The following CPT1A variants were observed in gnomAD, a reference collection of about 807,000 sequenced individuals.
CPT1A encodes carnitine O-palmitoyltransferase 1, liver isoform.
Under a neutral mutation model 100.8 loss-of-function variants are expected in CPT1A, and 64 were observed. The observed-to-expected ratio is 0.63, with a 90% CI of 0.52 to 0.78. The LOEUF is 0.78. CPT1A is among the 30% of genes least tolerant of loss of function. The pLI is 0.00. For synonymous variants in CPT1A, 363 were observed against 396.0 expected, an observed-to-expected ratio of 0.92 and a Z score of 0.99; for missense variants, 802 against 1,034.1, an observed-to-expected ratio of 0.78 and a Z score of 3.08.
At chr11:68,819,842 C>T (rs1327861498) in intron 1 of CPT1A, among the ~76,000 whole-genome samples, 1 of 152,214 alleles carries the variant, frequency 6.6e-6, no homozygotes, top group Non-Finnish European at 1.5e-5. Flanking sequence ...TAGCCTCTCC[C>T]TCTTTGAGCC....
rs1358174002 is a variant in CPT1A at position 68,815,443 on chromosome 11, T to C, written c.32A>G (p.Gln11Arg). ...AATCCCGTCCGGAGTGACCGTGAAC[T>C]GAAAGGCCACAGCTTGGTGAGCTTC... MAEAHQAVAF[Q>R]FTVTPDGIDL... The change falls in exon 2 of 19, where the codon CAG becomes CGG. Residue 11 changes from glutamine (Q) to arginine (R), a missense_variant. This residue lies in a region of CPT1A where 11 missense variants were observed against 31.4 expected (regional missense o/e 0.35). Coordinates refer to ENST00000265641, the MANE Select transcript of CPT1A (RefSeq NM_001876.4). The C allele has an allele frequency of 6.2e-7, 1 of 1,614,010 alleles. No individual in the cohort carries two copies. The highest frequency in any genetic ancestry group is 8.5e-7 in the Non-Finnish European group (1 of 1,180,024).
At chr11:68,769,966 T>C (rs921672701) in intron 14 of CPT1A, among the ~76,000 whole-genome samples, 3 of 152,012 alleles carry the variant, frequency 2.0e-5, no homozygotes, top group African/African-American at 7.2e-5. Context: ...GGAGAATCAC[T>C]TGAACCTGGG....
At chr11:68,786,601 G>A (rs980036898) in intron 9 of CPT1A, among the ~76,000 whole-genome samples, 1 of 152,178 alleles carries the variant, frequency 6.6e-6, no homozygotes, top group African/African-American at 2.4e-5. Flanking sequence ...CGCGATCTCG[G>A]CTCACTGCAA....
At chr11:68,795,908 C>CA (rs976618899) in intron 7 of CPT1A, among the ~76,000 whole-genome samples, 126 of 104,916 alleles carry the variant, frequency 1.2e-3, no homozygotes, top group East Asian at 1.8e-3. Context: ...GACTCTATCT[C>CA]AAAAAAAAAA....
chr11:68,790,590 C>CTTGAAA (rs2153999239), intron 9 of CPT1A, among the ~76,000 whole-genome samples: 1 of 152,268 alleles, frequency 6.6e-6, no homozygotes, highest in South Asian at 2.1e-4. Context: ...AGGCCTCCCC[C>CTTGAAA]AGAGCCTTTG....
At chr11:68,817,485 C>T (rs534172109) in intron 1 of CPT1A, among the ~76,000 whole-genome samples, 4 of 152,248 alleles carry the variant, frequency 2.6e-5, no homozygotes, top group South Asian at 2.1e-4. Context: ...CAGCTTAGAC[C>T]GGGCTAACAA....
rs562395338 is a variant in CPT1A, at chr11:68,820,626, G to A, written c.-13-5139C>T. On this transcript the variant is annotated intron_variant, in intron 1 of 18. Coordinates refer to ENST00000265641, the MANE Select transcript of CPT1A (RefSeq NM_001876.4). Reference sequence around the variant, plus strand: ...TGAACTGGGAGGCAGAGGTTTCAGTGAGCTGAGATTGCACCACTGCACTTC... The same window carrying A: ...TGAACTGGGAGGCAGAGGTTTCAGTAAGCTGAGATTGCACCACTGCACTTC... Among the ~76,000 whole-genome samples, 5 of 152,204 alleles carry A rather than the reference G, an allele frequency of 3.3e-5. No homozygotes were observed. In the East Asian group the frequency reaches 9.7e-4, roughly 30 times the overall value.
chr11:68,773,594 C>A, intron 13 of CPT1A, 165 bp from the exon 14 acceptor site: 2 of 1,271,938 alleles, frequency 1.6e-6, no homozygotes, highest in African/African-American at 1.5e-5. Flanking sequence ...AGGGGCATGG[C>A]TCCCTGACCC....
intron 14 of CPT1A, among the ~76,000 whole-genome samples, chr11:68,768,467 G>C (rs532455478): frequency 6.6e-6 from 1 of 151,912 alleles, no homozygotes; most frequent in African/African-American, 2.4e-5. Flanking sequence ...GTGCAGTGGC[G>C]TGGTCTTGGC....
chr11:68,822,121 C>T (rs906059692), intron 1 of CPT1A, among the ~76,000 whole-genome samples: 2 of 151,986 alleles, frequency 1.3e-5, no homozygotes, highest in Admixed American at 6.6e-5. Flanking sequence ...CTCACACCTG[C>T]AATCCCAGCA....
chr11:68,811,858 G>T (rs1444881483), intron 3 of CPT1A, among the ~76,000 whole-genome samples: 1 of 151,978 alleles, frequency 6.6e-6, no homozygotes, highest in East Asian at 1.9e-4. Context: ...ATGAACATGT[G>T]CTGAATGTTA....
chr11:68,786,594 G>A (rs1009744405), intron 9 of CPT1A, among the ~76,000 whole-genome samples: 2 of 152,138 alleles, frequency 1.3e-5, no homozygotes, highest in African/African-American at 2.4e-5. Flanking sequence ...GCAGTGGCGC[G>A]ATCTCGGCTC....
At chr11:68,787,548 T>A (rs965956036) in intron 9 of CPT1A, among the ~76,000 whole-genome samples, 1 of 152,082 alleles carries the variant, frequency 6.6e-6, no homozygotes, top group African/African-American at 2.4e-5. Context: ...ATTGAAATCC[T>A]AACCCCCAGC....
At chr11:68,773,163 T>C (rs1294358562) in intron 14 of CPT1A, 102 bp downstream of exon 14, 47 of 1,571,580 alleles carry the variant, frequency 3.0e-5, no homozygotes, top group Non-Finnish European at 3.9e-5. Flanking sequence ...GCTTCTCCTA[T>C]GCCGGGTTTC....
At chr11:68,838,898 G>A (rs1435079336) in intron 1 of CPT1A, among the ~76,000 whole-genome samples, 1 of 152,162 alleles carries the variant, frequency 6.6e-6, no homozygotes, top group Non-Finnish European at 1.5e-5. Context: ...TGCATCGTAT[G>A]CTTATATCGC....
intron 1 of CPT1A, among the ~76,000 whole-genome samples, chr11:68,818,386 C>A (rs1856489298): frequency 6.6e-6 from 1 of 152,190 alleles, no homozygotes; most frequent in Admixed American, 6.5e-5. Context: ...GTCACCAGGA[C>A]ATCCGGGTGG....
rs370349762 is a variant in CPT1A at position 68,760,213 on chromosome 11, C to T, written c.2142+12G>A. On this transcript the variant is annotated intron_variant, in intron 17 of 18. Transcript: ENST00000265641. The stretch of plus-strand genomic sequence containing the variant: ...CGCCCCACTGCGCCTCGCCCAGCCC[C>T]GCCGCACTCACCGGTCCAAAGCCCC... The T allele has an allele frequency of 2.8e-5, 44 of 1,589,904 alleles. 1 individual carries two copies. The East Asian group carries it at 3.8e-4, about 14-fold the overall frequency.
chr11:68,765,535 C>T (rs542978937), intron 14 of CPT1A, among the ~76,000 whole-genome samples: 1 of 152,332 alleles, frequency 6.6e-6, no homozygotes, highest in South Asian at 2.1e-4. Flanking sequence ...TATAGATATA[C>T]TGACATATAT....
intron 10 of CPT1A, among the ~76,000 whole-genome samples, chr11:68,783,739 A>C (rs2153998228): frequency 6.6e-6 from 1 of 152,320 alleles, no homozygotes; most frequent in East Asian, 1.9e-4. Flanking sequence ...GCTGCTCAGC[A>C]TCCAACGCTA....
Sources: gnomAD v4.1 joint callset for allele counts (sites outside exome capture counted in the v4.1 genomes callset) on GRCh38, gnomAD v4.1.1 for gene constraint, gnomAD v4.1.1 regional missense constraint, MANE v1.5 for transcripts, NCBI Gene and HGNC (gene_info 2026-07-23, HGNC 2026-07-21) for gene names.